Variants in IL21R observed in about 807,000 individuals in gnomAD.
IL21R encodes interleukin-21 receptor.
Under a neutral mutation model 41.3 loss-of-function variants are expected in IL21R, and 14 were observed. The ratio of observed to expected loss-of-function variants is 0.34; its 90% CI spans 0.22 to 0.53. The LOEUF (loss-of-function observed/expected upper bound fraction) is 0.53. Among genes scored for constraint, IL21R ranks in the 20% least tolerant of loss-of-function variants. The pLI, the probability that IL21R is intolerant of heterozygous loss-of-function variation, is 0.94. For synonymous variants in IL21R, 286 were observed against 287.6 expected, an observed-to-expected ratio of 0.99 and a Z score of 0.05; for missense variants, 588 against 681.6, an observed-to-expected ratio of 0.86 and a Z score of 1.53.
intron 1 of IL21R, among the ~76,000 whole-genome samples, chr16:27,408,272 ACAGT>A (rs1475424156): frequency 6.6e-6 from 1 of 152,220 alleles, no homozygotes; most frequent in East Asian, 1.9e-4. Context: ...TAGGAGGCTA[ACAGT>A]CAGTCAAAAA....
In IL21R at chr16:27,443,040, A is replaced by T. The variant is rs1204362537; in HGVS notation, c.431A>T (p.Asp144Val). ...YNISWRSDYE[D>V]PAFYMLKGKL... ...ATCTCCTGGCGCTCAGATTACGAAG[A>T]CCCTGCCTTCTACATGCTGAAGGGC... The change falls in exon 5 of 9, where the codon GAC (aspartate) becomes GTC (valine). Residue 144 changes from aspartate to valine, a missense_variant. Asp to Val is a radical substitution (Grantham distance 152). Transcript: ENST00000337929. 8 of 1,613,878 alleles carry T rather than the reference A, an allele frequency of 5.0e-6. No individual in the cohort carries two copies. Among genetic ancestry groups the T allele is most frequent in the Non-Finnish European group, 5.1e-6 (6 of 1,179,912 alleles).
chr16:27,447,978 C>T (rs972528685), intron 8 of IL21R: 2 of 153,152 alleles, frequency 1.3e-5, no homozygotes, highest in Non-Finnish European at 2.9e-5. Flanking sequence ...CTCCCTTCTA[C>T]AAGTAGGGAA....
At position 27,448,694 on chromosome 16, in the gene IL21R, CTGACGGTG is replaced by C; in HGVS notation, c.1031_1038del (p.Asp344AlafsTer19). On this transcript the variant is annotated frameshift_variant, in exon 9 of 9. Coordinates refer to ENST00000337929, the MANE Select transcript of IL21R (RefSeq NM_181078.3). LOFTEE classifies it low-confidence loss of function (END_TRUNC). ...CAAGAACCAGCAGAGCTGGTGGAGT[CTGACGGTG>C]TGCCCAAGCCCAGCTTCTGGCCGAC... 6.2e-7 allele frequency: 1 copy of C among 1,613,252 alleles called. No homozygotes were observed. The highest frequency in any genetic ancestry group is 8.5e-7 in the Non-Finnish European group (1 of 1,180,016).
At chr16:27,446,968 G>A (rs1399676039) in intron 8 of IL21R, among the ~76,000 whole-genome samples, 1 of 152,226 alleles carries the variant, frequency 6.6e-6, no homozygotes. Flanking sequence ...AAGTCAGACA[G>A]TGTAGACCTA....
intron 4 of IL21R, among the ~76,000 whole-genome samples, chr16:27,441,063 A>AG (rs942702580): frequency 4.6e-5 from 7 of 150,874 alleles, no homozygotes; most frequent in African/African-American, 1.2e-4. Context: ...AAAAAAAAAA[A>AG]AAAGAAAGAA....
chr16:27,434,243 G>C (rs369400954), intron 2 of IL21R, 104 bp from the exon 3 acceptor site: 27 of 729,128 alleles, frequency 3.7e-5, no homozygotes, highest in East Asian at 2.6e-4. Flanking sequence ...CCGGCCTGGG[G>C]ACCCCTGCAC....
Position 27,448,911 on chromosome 16 carries a change from G to A in IL21R, c.1245G>A (p.Glu415=). 1.2e-6 allele frequency: 2 copies of A among 1,612,354 alleles called. No individual in the cohort carries two copies. Among genetic ancestry groups the A allele is most frequent in the Non-Finnish European group, 1.7e-6 (2 of 1,179,388 alleles). ...GCCTGGAGCCCAGCCCAGGCCTAGA[G>A]GACCCACTCTTGGATGCAGGGACCA... ...DAGLEPSPGL[E]DPLLDAGTTV... The change falls in exon 9 of 9, where the codon GAG becomes GAA. Residue 415 remains glutamate, a synonymous_variant. Coordinates refer to ENST00000337929, the MANE Select transcript of IL21R (RefSeq NM_181078.3).
Position 27,450,376 on chromosome 16 carries a change from G to T in IL21R, c.*1093G>T. 1 of 231,532 alleles carries T rather than the reference G, an allele frequency of 4.3e-6. No homozygotes were observed. The highest frequency in any genetic ancestry group is 8.5e-6 in the Non-Finnish European group (1 of 116,970). 14.3% of individuals were successfully genotyped at this position (231,532 alleles called of 1,614,324 possible). The stretch of plus-strand genomic sequence containing the variant: ...GTGGCACTCATGGAGGGGGCTGCAG[G>T]TTGGAACTATGCAGTGTGCTCCGGC... On this transcript the variant is annotated 3_prime_UTR_variant, in exon 9 of 9. Coordinates refer to ENST00000337929, the MANE Select transcript of IL21R (RefSeq NM_181078.3).
rs942104090 is a variant in IL21R, at chr16:27,451,750, T to G, written c.*2467T>G. On this transcript the variant is annotated 3_prime_UTR_variant, in exon 9 of 9. Coordinates refer to ENST00000337929, the MANE Select transcript of IL21R (RefSeq NM_181078.3). ...ATAAAAGTTGGAGACAAGAGCTGGCTCACCTGAAAGGAGGGATTAGTAGGT... is the reference window on the plus strand; with the variant it reads ...ATAAAAGTTGGAGACAAGAGCTGGCGCACCTGAAAGGAGGGATTAGTAGGT... 1.3e-5 allele frequency: 3 copies of G among 230,074 alleles called. No individual in the cohort carries two copies. The highest frequency in any genetic ancestry group is 1.1e-4 in the Admixed American group (2 of 17,656). 14.3% of individuals were successfully genotyped at this position (230,074 alleles called of 1,614,324 possible). A position where few individuals can be genotyped will look rare whatever the true frequency, so the allele number is the denominator to read the frequency against.
intron 4 of IL21R, among the ~76,000 whole-genome samples, chr16:27,440,386 A>G (rs186261332): frequency 5.4e-4 from 82 of 151,536 alleles, no homozygotes; most frequent in Non-Finnish European, 7.8e-4. Flanking sequence ...CGATCCTCCC[A>G]CTTCGGCCTC....
At chr16:27,418,666 C>A (rs113693599) in intron 1 of IL21R, among the ~76,000 whole-genome samples, 6 of 152,064 alleles carry the variant, frequency 3.9e-5, no homozygotes, top group South Asian at 2.1e-4. Context: ...CGCTGCGCCC[C>A]GCCAACATTT....
chr16:27,439,366 A>C (rs1371627604), intron 4 of IL21R, among the ~76,000 whole-genome samples: 1 of 148,198 alleles, frequency 6.7e-6, no homozygotes, highest in Non-Finnish European at 1.5e-5. Context: ...ATACATACAC[A>C]CACACACACA....
Position 27,450,102 on chromosome 16 carries a change from G to A in IL21R, c.*819G>A, listed in dbSNP as rs2087565032. 1 of 232,712 alleles carries A rather than the reference G, an allele frequency of 4.3e-6. No individual in the cohort carries two copies. Among genetic ancestry groups the A allele is most frequent in the African/African-American group, 2.2e-5 (1 of 45,304 alleles). 14.4% of individuals were successfully genotyped at this position (232,712 alleles called of 1,614,324 possible). A position where few individuals can be genotyped will look rare whatever the true frequency, so the allele number is the denominator to read the frequency against. ...CTGCGGCCAGAGCCGAGGCGGGCGG[G>A]GGTGAGAACATCAATCGTCAGCGAC... On this transcript the variant is annotated 3_prime_UTR_variant, in exon 9 of 9. Transcript: ENST00000337929.
intron 1 of IL21R, among the ~76,000 whole-genome samples, chr16:27,404,602 C>T (rs2086709232): frequency 6.6e-6 from 1 of 152,164 alleles, no homozygotes; most frequent in Non-Finnish European, 1.5e-5. Flanking sequence ...GAAGCTAGCG[C>T]CTTCAGCATC....
chr16:27,409,687 T>C (rs1256894924), intron 1 of IL21R, among the ~76,000 whole-genome samples: 3 of 152,240 alleles, frequency 2.0e-5, no homozygotes, highest in Non-Finnish European at 4.4e-5. Context: ...ATGAGTTTAT[T>C]TCTACTGTTT....
At position 27,444,522 on chromosome 16, in the gene IL21R, T is replaced by G. The variant is rs1175050166; in HGVS notation, c.508-20T>G. 1 of 1,453,784 alleles carries G rather than the reference T, an allele frequency of 6.9e-7. No individual in the cohort carries two copies. The highest frequency in any genetic ancestry group is 9.1e-7 in the Non-Finnish European group (1 of 1,097,354). The allele number at this position is 1,453,784 out of a possible 1,614,324, so 90.1% of individuals were successfully genotyped here. The stretch of plus-strand genomic sequence containing the variant: ...CCTGGTTTAACCCTGACCTGGTGCA[T>G]CCTTTCCTTGTACTGGCAGAGTCCG... On this transcript the variant is annotated intron_variant, in intron 5 of 8. Transcript: ENST00000337929.
chr16:27,423,988 A>G (rs1313412667), intron 1 of IL21R, among the ~76,000 whole-genome samples: 2 of 152,208 alleles, frequency 1.3e-5, no homozygotes, highest in Non-Finnish European at 2.9e-5. Context: ...CCTGAGCAAT[A>G]TGTGATGTCA....
rs781218242 is a variant in IL21R, at chr16:27,418,634, T to C, written c.-16-11422T>C. ...ATCTGCCCGCCTTGGCCTCCCAAAG[T>C]GCTGGGATTACAGGCATGAGCCGCT... On this transcript the variant is annotated intron_variant, in intron 1 of 8. Coordinates refer to ENST00000337929, the MANE Select transcript of IL21R (RefSeq NM_181078.3). Among the ~76,000 whole-genome samples, 183 of 152,192 alleles carry C rather than the reference T, an allele frequency of 1.2e-3. 1 individual carries two copies. The highest frequency in any genetic ancestry group is 0.01 in the Middle Eastern group (3 of 294).
chr16:27,408,032 T>C (rs543959759), intron 1 of IL21R, among the ~76,000 whole-genome samples: 38 of 152,350 alleles, frequency 2.5e-4, no homozygotes, highest in Admixed American at 1.1e-3. Context: ...GTCACTCATG[T>C]AGCAAATGTT....
Sources: allele counts gnomAD v4.1 joint callset (sites outside exome capture counted in the v4.1 genomes callset), GRCh38; gene constraint gnomAD v4.1.1; transcripts MANE v1.5; gene names NCBI Gene and HGNC (gene_info 2026-07-23, HGNC 2026-07-21).